Variants in CHIC1 observed in about 807,000 individuals in gnomAD.
CHIC1 encodes the protein cysteine rich hydrophobic domain 1, also known as cysteine-rich hydrophobic domain-containing protein 1.
In CHIC1, 7 loss-of-function variants were observed where a neutral mutation model predicts 18.5. That is an observed-to-expected ratio of 0.38 (90% CI 0.22 to 0.71). The LOEUF is 0.71. CHIC1 is among the 30% of genes least tolerant of loss of function. The pLI, the probability that CHIC1 is intolerant of heterozygous loss-of-function variation, is 0.49. For synonymous variants in CHIC1, 77 were observed against 73.5 expected (o/e 1.05, Z -0.25); for missense variants, 159 against 176.9 (o/e 0.90, Z 0.57).
Position 73,585,138 on chromosome X carries a change from G to A in CHIC1, c.507+566G>A, listed in dbSNP as rs889332816. 1.3e-4 allele frequency among the ~76,000 whole-genome samples: 14 copies of A among 111,401 alleles called. 1 individual carries two copies. Among genetic ancestry groups the A allele is most frequent in the African/African-American group, 4.2e-4 (13 of 30,741 alleles). ...AAAATATTTTAATTGAAGCCAATGA[G>A]GAAAATTAATTCATTTTACCTAAAG... On this transcript the variant is annotated intron_variant, in intron 3 of 5. Transcript: ENST00000373502.
intron 3 of CHIC1, among the ~76,000 whole-genome samples, chrX:73,599,826 G>T (rs1354563617): frequency 9.4e-6 from 1 of 105,880 alleles, no homozygotes; most frequent in African/African-American, 3.7e-5. Context: ...GCTCTTTTTT[G>T]GTTCCATATG....
rs146214974 is a variant in CHIC1 at position 73,662,673 on chromosome X, T to C, written c.508-16653T>C. ...ATTTAAGATGTGCAAGTTGCTAGTA[T>C]TTAATTTAACCCTTCTGAGGTCTTA... On this transcript the variant is annotated intron_variant, in intron 3 of 5. Transcript: ENST00000373502. 4.5e-3 allele frequency among the ~76,000 whole-genome samples: 486 copies of C among 109,174 alleles called. 3 individuals are homozygous for C. The highest frequency in any genetic ancestry group is 8.0e-3 in the Non-Finnish European group (422 of 52,655). 94.8% of individuals were successfully genotyped at this position (109,174 alleles called of 115,157 possible).
chrX:73,675,725 G>A (rs370185919), intron 3 of CHIC1, among the ~76,000 whole-genome samples: 111 of 111,092 alleles, frequency 1.0e-3, no homozygotes, highest in East Asian at 6.3e-3. Context: ...CATTTAGCCC[G>A]TTTACATTTA....
At chrX:73,580,698 C>A (rs1171877070) in intron 2 of CHIC1, among the ~76,000 whole-genome samples, 6 of 110,519 alleles carry the variant, frequency 5.4e-5, no homozygotes, top group Non-Finnish European at 1.1e-4. Context: ...ACAGCTCTTA[C>A]ATTAAAATAT....
intron 3 of CHIC1, among the ~76,000 whole-genome samples, chrX:73,663,611 A>G (rs2057991099): frequency 9.0e-6 from 1 of 111,005 alleles, no homozygotes; most frequent in African/African-American, 3.3e-5. Flanking sequence ...GTTTCTGTCC[A>G]GTTTTGATGA....
chrX:73,611,036 A>G (rs1239772327), intron 3 of CHIC1, among the ~76,000 whole-genome samples: 1 of 101,524 alleles, frequency 9.8e-6, no homozygotes, highest in Admixed American at 1.0e-4. Context: ...TATTATTATT[A>G]TACTTTAAGT....
intron 3 of CHIC1, among the ~76,000 whole-genome samples, chrX:73,664,848 C>T (rs1354520682): frequency 2.7e-5 from 3 of 111,504 alleles, no homozygotes; most frequent in Admixed American, 1.9e-4. Context: ...CACAACTCAT[C>T]ATATTCTGCC....
At position 73,625,040 on chromosome X, in the gene CHIC1, C is replaced by G. The variant is rs184497041; in HGVS notation, c.507+40468C>G. On this transcript the variant is annotated intron_variant, in intron 3 of 5. Transcript: ENST00000373502. ...CATGTCAGGTTTCTGGGTTCTCTTT[C>G]CCTGAGCAGCCCTAGTAACCTTGCT... Among the ~76,000 whole-genome samples the G allele has an allele frequency of 4.5e-5, 5 of 111,751 alleles. No individual in the cohort carries two copies. The East Asian group carries it at 1.4e-3, about 32-fold the overall frequency.
chrX:73,668,024 C>T (rs1284749574), intron 3 of CHIC1, among the ~76,000 whole-genome samples: 2 of 111,871 alleles, frequency 1.8e-5, no homozygotes, highest in Non-Finnish European at 3.8e-5. Context: ...GGTCGCTTTA[C>T]ATAATTCCAT....
chrX:73,663,836 G>A (rs910018888), intron 3 of CHIC1, among the ~76,000 whole-genome samples: 2 of 110,937 alleles, frequency 1.8e-5, no homozygotes, highest in African/African-American at 6.6e-5. Context: ...TTGATCCAGG[G>A]GAAAGGATAT....
chrX:73,655,466 A>ATATATACATATATACACAATATTGTG (rs2057939956), intron 3 of CHIC1, among the ~76,000 whole-genome samples: 1 of 72,779 alleles, frequency 1.4e-5, no homozygotes, highest in African/African-American at 4.5e-5. Context: ...TATTGTGTAT[A>ATATATACATATATACACAATATTGTG]TATATATACA....
intron 3 of CHIC1, among the ~76,000 whole-genome samples, chrX:73,640,280 G>C (rs1297338925): frequency 8.9e-6 from 1 of 111,934 alleles, no homozygotes; most frequent in African/African-American, 3.2e-5. Context: ...TGCATCTATT[G>C]AGATAATCAT....
Position 73,681,124 on chromosome X carries a change from A to ATTC in CHIC1, c.*124_*126dup. ...AACTTATTCTTTATAATGGTAGAAT[A>ATTC]TTCTTCTCGCTCTTTTGTGTTGGTT... is the stretch of plus-strand genomic sequence containing the variant. On this transcript the variant is annotated 3_prime_UTR_variant, in exon 6 of 6. Coordinates refer to ENST00000373502, the MANE Select transcript of CHIC1 (RefSeq NM_001039840.4). The ATTC allele has an allele frequency of 1.3e-5, 6 of 463,919 alleles. No homozygotes were observed. Among genetic ancestry groups the ATTC allele is most frequent in the Non-Finnish European group, 2.2e-5 (6 of 271,175 alleles). The allele number at this position is 463,919 out of a possible 1,213,427, so 38.2% of individuals were successfully genotyped here.
rs1383680451 is a variant in CHIC1 at position 73,563,477 on chromosome X, G to C, written c.193G>C (p.Glu65Gln). ...GGAGGAAGAAGAGGAGGAGGAGGAAGAGGAGGAGGAAGCGCCGCCCCCGCC... is the reference window on the plus strand; with the variant it reads ...GGAGGAAGAAGAGGAGGAGGAGGAACAGGAGGAGGAAGCGCCGCCCCCGCC... ...EEEEEEEEEE[E>Q]EEEAPPPPRV... The change falls in exon 1 of 6, where the codon GAG becomes CAG. Residue 65 changes from glutamate (E) to glutamine (Q), a missense_variant. Transcript: ENST00000373502. The C allele has an allele frequency of 8.7e-7, 1 of 1,155,675 alleles. No homozygotes were observed. The highest frequency in any genetic ancestry group is 1.8e-5 in the African/African-American group (1 of 55,091).
chrX:73,584,152 C>A lies in CHIC1; in HGVS notation c.352-265C>A, dbSNP rs917763171. On this transcript the variant is annotated intron_variant, in intron 2 of 5. Coordinates refer to ENST00000373502, the MANE Select transcript of CHIC1 (RefSeq NM_001039840.4). ...GTAAGAAAAAGGCTTGAAAGTTATC[C>A]TTTTCCGTCAATTTTATTGCAGTCA... is the stretch of plus-strand genomic sequence containing the variant. 3.6e-5 allele frequency among the ~76,000 whole-genome samples: 4 copies of A among 110,821 alleles called. No homozygotes were observed. In the East Asian group the frequency reaches 1.1e-3, roughly 32 times the overall value.
intron 3 of CHIC1, among the ~76,000 whole-genome samples, chrX:73,622,033 C>G (rs986093693): frequency 2.7e-5 from 3 of 111,943 alleles, no homozygotes; most frequent in South Asian, 7.4e-4. Context: ...GCCTTGCACC[C>G]CAGGGATGAA....
At chrX:73,628,029 G>C (rs1188234394) in intron 3 of CHIC1, among the ~76,000 whole-genome samples, 1 of 111,340 alleles carries the variant, frequency 9.0e-6, no homozygotes, top group African/African-American at 3.3e-5. Context: ...CCAGGACTTG[G>C]TCCTTTCCTT....
At chrX:73,599,447 A>T (rs2057630378) in intron 3 of CHIC1, among the ~76,000 whole-genome samples, 1 of 93,949 alleles carries the variant, frequency 1.1e-5, no homozygotes, top group Admixed American at 1.1e-4. Flanking sequence ...GTTTTCTTCT[A>T]GGGTTTTTAT....
chrX:73,609,388 A>G (rs2057697727), intron 3 of CHIC1, among the ~76,000 whole-genome samples: 1 of 107,365 alleles, frequency 9.3e-6, no homozygotes, highest in African/African-American at 3.6e-5. Flanking sequence ...TCCATTCCTA[A>G]TTTGTTTGGT....
Sources: gnomAD v4.1 joint callset for allele counts (sites outside exome capture counted in the v4.1 genomes callset) on GRCh38, gnomAD v4.1.1 for gene constraint, MANE v1.5 for transcripts, NCBI Gene and HGNC (gene_info 2026-07-23, HGNC 2026-07-21) for gene names.